The following MOBP variants were observed in gnomAD, a reference collection of about 807,000 sequenced individuals.
The protein encoded by MOBP is myelin associated oligodendrocyte basic protein.
Under a neutral mutation model 15.0 loss-of-function variants are expected in MOBP, and 5 were observed. That is an observed-to-expected ratio of 0.33 (90% confidence interval 0.17 to 0.70). The LOEUF (loss-of-function observed/expected upper bound fraction) is 0.70, where lower values mean the gene tolerates loss of function less well. Ranked by LOEUF, MOBP falls within the 30% of genes least tolerant of loss-of-function variation. The pLI, the probability that MOBP is intolerant of heterozygous loss-of-function variation, is 0.67. For synonymous variants in MOBP, 88 were observed against 99.0 expected (o/e 0.89, Z 0.66); for missense variants, 188 against 257.8 (o/e 0.73, Z 1.85).
chr3:39,469,360 CTAAAATTTATTTTAATTGGAATTAAT>C (rs768889076), intron 1 of MOBP, among the ~76,000 whole-genome samples: 32,500 of 102,134 alleles, frequency 0.32, 4,847 homozygotes, highest in African/African-American at 0.45. Flanking sequence ...TTGGAATTAA[CTAAAATTTATTTTAATTGGAATTAAT>C]TAAAATTTAT....
Position 39,502,547 on chromosome 3 carries a change from T to C in MOBP, c.219T>C (p.Arg73=), listed in dbSNP as rs2125656743. 1.9e-6 allele frequency: 3 copies of C among 1,579,796 alleles called. No homozygotes were observed. The highest frequency in any genetic ancestry group is 2.6e-6 in the Non-Finnish European group (3 of 1,171,648). Residue 73 remains arginine (R), a synonymous_variant, in exon 4 of 4, where the codon CGT becomes CGC. Transcript: ENST00000684792. This position sits in a 1 kb window ranked among gnomAD's most constrained non-coding sequence, Gnocchi z 6.3. ...TTGGCCCTCTCAGAACCAGCCGCCG[T>C]GCCAAGTCCCCTCAGAGGCCCAAGC... ...CACQKTRTSR[R]AKSPQRPKQQ...
chr3:39,526,336 G>A (rs1332479214), downstream of MOBP: 2 of 152,216 alleles, frequency 1.3e-5, no homozygotes, highest in African/African-American at 4.8e-5. Flanking sequence ...TTTGTCTGTT[G>A]TGGAAATAAA....
At chr3:39,512,556 A>G (rs996041984) in intron 4 of MOBP, among the ~76,000 whole-genome samples, 5 of 152,202 alleles carry the variant, frequency 3.3e-5, no homozygotes, top group African/African-American at 1.2e-4. Flanking sequence ...CTAGCGTGAT[A>G]CATCATTTGG....
rs2042985768 is a variant in MOBP, at chr3:39,502,423, A to G, written c.207-112A>G. The G allele has an allele frequency of 6.6e-7, 1 of 1,523,278 alleles. No individual in the cohort carries two copies. Among genetic ancestry groups the G allele is most frequent in the Non-Finnish European group, 8.8e-7 (1 of 1,139,920 alleles). The allele number at this position is 1,523,278 out of a possible 1,614,324, so 94.4% of individuals were successfully genotyped here. A position where few individuals can be genotyped will look rare whatever the true frequency, so the allele number is the denominator to read the frequency against. On this transcript the variant is annotated intron_variant, in intron 3 of 3. Coordinates refer to ENST00000684792, the MANE Select transcript of MOBP (RefSeq NM_001393704.1). This position sits in a 1 kb window ranked among gnomAD's most constrained non-coding sequence, Gnocchi z 6.3. ...CCGGAAGGCACTCCAGGGAGACTGGAAGGTGGGTGGGGGAGCAGGGCCTTC... is the reference window on the plus strand; with the variant it reads ...CCGGAAGGCACTCCAGGGAGACTGGGAGGTGGGTGGGGGAGCAGGGCCTTC...
intron 3 of MOBP, among the ~76,000 whole-genome samples, chr3:39,523,604 T>C (rs963150029): frequency 2.0e-5 from 3 of 152,250 alleles, no homozygotes; most frequent in Non-Finnish European, 4.4e-5. Flanking sequence ...TTTGTAAACA[T>C]ACACTCAATT....
chr3:39,518,561 T>G (rs192137197), downstream of MOBP, among the ~76,000 whole-genome samples: 55 of 152,312 alleles, frequency 3.6e-4, no homozygotes, highest in Middle Eastern at 3.4e-3. Flanking sequence ...TCTCTATTAA[T>G]GAAACCATAC....
At chr3:39,508,595 G>C (rs1049946663) in intron 4 of MOBP, among the ~76,000 whole-genome samples, 5 of 148,276 alleles carry the variant, frequency 3.4e-5, no homozygotes, top group African/African-American at 1.3e-4. Context: ...TGTTGCCCAG[G>C]CTGGAGTGCA....
chr3:39,488,170 C>G (rs1451081136), intron 2 of MOBP, among the ~76,000 whole-genome samples: 1 of 152,022 alleles, frequency 6.6e-6, no homozygotes, highest in African/African-American at 2.4e-5. Flanking sequence ...CCCTCTCTTC[C>G]TGGGTGTTCT....
chr3:39,471,464 A>G (rs1055048730), intron 1 of MOBP, among the ~76,000 whole-genome samples: 1 of 152,170 alleles, frequency 6.6e-6, no homozygotes, highest in Non-Finnish European at 1.5e-5. Context: ...TCTGAACCTC[A>G]GTGAAACATC....
chr3:39,502,398 C>A lies in MOBP; in HGVS notation c.206+123C>A. ...GTCGGCTCCGGGTTAGGCTCCGACA[C>A]CGGAAGGCACTCCAGGGAGACTGGA... is the stretch of plus-strand genomic sequence containing the variant. On this transcript the variant is annotated intron_variant, in intron 3 of 3. Coordinates refer to ENST00000684792, the MANE Select transcript of MOBP (RefSeq NM_001393704.1). This position sits in a 1 kb window ranked among gnomAD's most constrained non-coding sequence, Gnocchi z 6.3. 1 of 1,533,052 alleles carries A rather than the reference C, an allele frequency of 6.5e-7. No homozygotes were observed. Among genetic ancestry groups the A allele is most frequent in the Non-Finnish European group, 8.7e-7 (1 of 1,143,632 alleles). 95.0% of individuals were successfully genotyped at this position (1,533,052 alleles called of 1,614,324 possible). A position where few individuals can be genotyped will look rare whatever the true frequency, so the allele number is the denominator to read the frequency against.
chr3:39,478,411 T>C (rs561345430), intron 1 of MOBP, among the ~76,000 whole-genome samples: 35 of 152,332 alleles, frequency 2.3e-4, no homozygotes, highest in African/African-American at 7.9e-4. Flanking sequence ...TCTATGATGT[T>C]TGTGCAATGA....
chr3:39,502,669 A>G lies in MOBP; in HGVS notation c.341A>G (p.Glu114Gly), dbSNP rs2042990762. The G allele has an allele frequency of 7.0e-7, 1 of 1,437,854 alleles. No homozygotes were observed. Among genetic ancestry groups the G allele is most frequent in the Non-Finnish European group, 9.2e-7 (1 of 1,087,304 alleles). 89.1% of individuals were successfully genotyped at this position (1,437,854 alleles called of 1,614,324 possible). ...CAGCCACGGTCCCCTCCGAGGTCTGAGCGTCAGCCACGGTCCCCTCCGAGG... is the reference window on the plus strand; with the variant it reads ...CAGCCACGGTCCCCTCCGAGGTCTGGGCGTCAGCCACGGTCCCCTCCGAGG... ...ERQPRSPPRSERQPRSPPRSE... is the reference protein window; with the variant it reads ...ERQPRSPPRSGRQPRSPPRSE... Residue 114 changes from glutamate (E) to glycine (G), a missense_variant, in exon 4 of 4, where the codon GAG becomes GGG. This residue lies in a region of MOBP where 133 missense variants were observed against 212.5 expected (regional missense o/e 0.63). Transcript: ENST00000684792. The surrounding 1 kb of genome is among the most constrained non-coding windows in gnomAD (Gnocchi z 6.3).
At chr3:39,517,062 G>A (rs2043213408), downstream of MOBP, among the ~76,000 whole-genome samples, 1 of 152,106 alleles carries the variant, frequency 6.6e-6, no homozygotes, top group South Asian at 2.1e-4. Context: ...CAGGTACTTA[G>A]TATCTCTGCT....
intron 4 of MOBP, among the ~76,000 whole-genome samples, chr3:39,509,015 T>C (rs756896021): frequency 2.6e-5 from 4 of 152,124 alleles, no homozygotes; most frequent in Non-Finnish European, 5.9e-5. Flanking sequence ...ATATAGTCTC[T>C]CTCTATATAT....
downstream of MOBP, among the ~76,000 whole-genome samples, chr3:39,503,661 T>TATTATTTATTA (rs2043010336): frequency 6.7e-6 from 1 of 148,446 alleles, no homozygotes. Flanking sequence ...GCCAATTTTT[T>TATTATTTATTA]ATTTATTTAT....
chr3:39,505,988 C>CATCT (rs1413558146), downstream of MOBP, among the ~76,000 whole-genome samples: 4 of 152,160 alleles, frequency 2.6e-5, no homozygotes, highest in African/African-American at 9.7e-5. Flanking sequence ...TCAGAATATG[C>CATCT]ATCTGTCTTT....
At chr3:39,472,671 A>G (rs2042488039) in intron 1 of MOBP, among the ~76,000 whole-genome samples, 1 of 152,194 alleles carries the variant, frequency 6.6e-6, no homozygotes, top group Non-Finnish European at 1.5e-5. Context: ...CATGCCTGTA[A>G]TCCTAGCACT....
At position 39,469,072 on chromosome 3, in the gene MOBP, ATGTG is replaced by A. The variant is rs748930663; in HGVS notation, c.-89+1340_-89+1343del. Among the ~76,000 whole-genome samples, 5 of 29,790 alleles carry A rather than the reference ATGTG, an allele frequency of 1.7e-4. 1 individual carries two copies. Among genetic ancestry groups the A allele is most frequent in the African/African-American group, 9.5e-4 (2 of 2,098 alleles). The allele number at this position is 29,790 out of a possible 152,430, so 19.5% of individuals were successfully genotyped here. Reference sequence around the variant, plus strand: ...TGTGTGTGTATATACATATATACATATGTGTGTGTGTATATACATATATACATAT... The same window carrying A: ...TGTGTGTGTATATACATATATACATATGTGTGTATATACATATATACATAT... On this transcript the variant is annotated intron_variant, in intron 1 of 3. Transcript: ENST00000684792.
At chr3:39,488,059 A>G (rs2042742865) in intron 2 of MOBP, among the ~76,000 whole-genome samples, 1 of 152,174 alleles carries the variant, frequency 6.6e-6, no homozygotes, top group South Asian at 2.1e-4. Flanking sequence ...TTTTCTCAAA[A>G]CAATCCATAC....
Sources: allele counts gnomAD v4.1 joint callset (sites outside exome capture counted in the v4.1 genomes callset), GRCh38; gene constraint gnomAD v4.1.1; regional missense constraint gnomAD v4.1.1; non-coding constraint Gnocchi (gnomAD v3.1); transcripts MANE v1.5; gene names NCBI Gene and HGNC (gene_info 2026-07-23, HGNC 2026-07-21).